The following KANSL1 variants were observed in gnomAD, a reference collection of about 807,000 sequenced individuals.
The protein encoded by KANSL1 is KAT8 regulatory NSL complex subunit 1, also known as MLL1/MLL complex subunit KANSL1.
Under a neutral mutation model 103.6 loss-of-function variants are expected in KANSL1, and 22 were observed. The ratio of observed to expected loss-of-function variants is 0.21; its 90% CI spans 0.15 to 0.30. The LOEUF (loss-of-function observed/expected upper bound fraction) is 0.30. KANSL1 is among the 10% of genes least tolerant of loss of function. The pLI is 1.00. For missense variants in KANSL1, 1,337 were observed against 1,399.8 expected (o/e 0.96, Z 0.72); for synonymous variants, 600 against 527.6 (o/e 1.14, Z -1.88).
At chr17:46,174,288 G>T (rs1052466722) in intron 1 of KANSL1, among the ~76,000 whole-genome samples, 2 of 152,156 alleles carry the variant, frequency 1.3e-5, no homozygotes, top group African/African-American at 4.8e-5. Context: ...GGGTTCAAGT[G>T]ATTCTCCTGC....
intron 1 of KANSL1, among the ~76,000 whole-genome samples, chr17:46,175,453 G>A (rs1299651944): frequency 6.6e-6 from 1 of 152,006 alleles, no homozygotes; most frequent in African/African-American, 2.4e-5. Context: ...GTGTTGGAGT[G>A]ATTCTCCTGC....
chr17:46,171,794 G>A lies in KANSL1; in HGVS notation c.350C>T (p.Ser117Phe). The A allele has an allele frequency of 3.7e-6, 6 of 1,613,666 alleles. No individual in the cohort carries two copies. Among genetic ancestry groups the A allele is most frequent in the East Asian group, 2.2e-5 (1 of 44,872 alleles). The change falls in exon 2 of 15, where the codon TCC becomes TTC. Residue 117 changes from serine to phenylalanine, a missense_variant. Transcript: ENST00000432791. ...CAACAGCTCAGCTCGGAGTTCATAG[G>A]ACTGAGATAAGAGAGGATGAGATTT... ...VLKSHPLLSQ[S>F]YELRAELLGR... is the part of the protein sequence containing the mutation.
intron 6 of KANSL1, among the ~76,000 whole-genome samples, chr17:46,058,743 ACTCTCTCT>A (rs756932556): frequency 0.027 from 1,826 of 67,750 alleles, 29 homozygotes; most frequent in African/African-American, 0.071. Flanking sequence ...ACACACACAC[ACTCTCTCT>A]CTCTCTCTCT....
intron 13 of KANSL1, 43 bp downstream of exon 13, chr17:46,033,037 C>T (rs898211360): frequency 4.1e-6 from 6 of 1,471,250 alleles, no homozygotes; most frequent in African/African-American, 1.4e-5. Flanking sequence ...TCCCTGTCCA[C>T]CCTCTCTCCA....
At chr17:46,081,419 T>C (rs781746920) in intron 4 of KANSL1, among the ~76,000 whole-genome samples, 7 of 150,782 alleles carry the variant, frequency 4.6e-5, no homozygotes, top group African/African-American at 1.5e-4. Context: ...AATGAACTTA[T>C]ATTATAGACT....
chr17:46,031,553 T>C lies in KANSL1; in HGVS notation c.3241A>G (p.Thr1081Ala). The change falls in exon 15 of 15, where the codon ACC becomes GCC. Residue 1081 changes from threonine to alanine, a missense_variant. By Grantham distance (58) the Thr-to-Ala change is moderately conservative. Coordinates refer to ENST00000432791, the MANE Select transcript of KANSL1 (RefSeq NM_015443.4). ...TTGAGGGGGACAATGGGAGGCGAGG[T>C]GGGCGCTGCCTCTGTCTCCCGGCCA... ...KTGRETEAAP[T>A]SPPIVPLKSR... The C allele has an allele frequency of 6.2e-7, 1 of 1,613,834 alleles. No homozygotes were observed. The highest frequency in any genetic ancestry group is 1.3e-5 in the African/African-American group (1 of 74,996).
intron 2 of KANSL1, among the ~76,000 whole-genome samples, chr17:46,100,565 T>A (rs2042269086): frequency 6.6e-6 from 1 of 152,246 alleles, no homozygotes; most frequent in African/African-American, 2.4e-5. Flanking sequence ...TAATTTTTGT[T>A]TTTAGTTCTT....
chr17:46,191,177 CAG>C, intron 1 of KANSL1, among the ~76,000 whole-genome samples: 1 of 152,140 alleles, frequency 6.6e-6, no homozygotes, highest in South Asian at 2.1e-4. Flanking sequence ...TATAAAGAAA[CAG>C]ATAAAGGAAT....
chr17:46,198,124 ATAAAT>A (rs1287951711), upstream of KANSL1, among the ~76,000 whole-genome samples: 1 of 152,166 alleles, frequency 6.6e-6, no homozygotes, highest in Admixed American at 6.5e-5. Context: ...AACTGACTGA[ATAAAT>A]GAAAAAGGTA....
At chr17:46,155,688 C>A (rs879879427) in intron 2 of KANSL1, among the ~76,000 whole-genome samples, 1 of 152,104 alleles carries the variant, frequency 6.6e-6, no homozygotes, top group Non-Finnish European at 1.5e-5. Flanking sequence ...GCCTAAAAAA[C>A]ATTCATTTTT....
At chr17:46,143,629 C>T (rs113300742) in intron 2 of KANSL1, among the ~76,000 whole-genome samples, 8,229 of 151,884 alleles carry the variant, frequency 0.054, 749 homozygotes, top group African/African-American at 0.19. Context: ...ACGGTGAAAC[C>T]CTGTCTCTAG....
rs71138525 is a variant in KANSL1, at chr17:46,096,311, C to CTTTTTTTTTTTTTTTTTTTTTTTT, written c.1290-1611_1290-1610insAAAAAAAAAAAAAAAAAAAAAAAA. 1.7e-3 allele frequency among the ~76,000 whole-genome samples: 127 copies of CTTTTTTTTTTTTTTTTTTTTTTTT among 76,398 alleles called. 4 individuals are homozygous for CTTTTTTTTTTTTTTTTTTTTTTTT. Among genetic ancestry groups the CTTTTTTTTTTTTTTTTTTTTTTTT allele is most frequent in the East Asian group, 5.8e-3 (12 of 2,074 alleles). 50.1% of individuals were successfully genotyped at this position (76,398 alleles called of 152,430 possible). A position where few individuals can be genotyped will look rare whatever the true frequency, so the allele number is the denominator to read the frequency against. ...CATACTACATACCTGGCTTTTTTTT[C>CTTTTTTTTTTTTTTTTTTTTTTTT]TTTTTTTTTTTTTTTTTTTTTGAGA... On this transcript the variant is annotated intron_variant, in intron 2 of 14. Transcript: ENST00000432791.
intron 1 of KANSL1, among the ~76,000 whole-genome samples, chr17:46,214,422 G>C (rs2048275870): frequency 6.6e-6 from 1 of 152,198 alleles, no homozygotes; most frequent in African/African-American, 2.4e-5. Flanking sequence ...GGGAGGCTGA[G>C]GGGGGTGGAT....
intron 6 of KANSL1, among the ~76,000 whole-genome samples, chr17:46,064,565 T>C (rs1033401860): frequency 6.6e-6 from 1 of 152,166 alleles, no homozygotes; most frequent in Non-Finnish European, 1.5e-5. Flanking sequence ...CTAAATTCAA[T>C]GGTCTCAATT....
chr17:46,049,919 C>T (rs979966600), intron 7 of KANSL1: 1 of 146,356 alleles, frequency 6.8e-6, no homozygotes, highest in South Asian at 2.2e-4. Context: ...ACAGACAAAA[C>T]TTTTTTTTTT....
chr17:46,141,618 A>G (rs1446021054), intron 2 of KANSL1, among the ~76,000 whole-genome samples: 1 of 152,254 alleles, frequency 6.6e-6, no homozygotes, highest in Non-Finnish European at 1.5e-5. Context: ...AAAAGGAATT[A>G]AAAAGAACAA....
intron 1 of KANSL1, among the ~76,000 whole-genome samples, chr17:46,209,814 C>T (rs550585373): frequency 1.3e-5 from 2 of 152,272 alleles, no homozygotes; most frequent in East Asian, 3.9e-4. Context: ...GTTTTAAAGG[C>T]ATTTAAGTAT....
chr17:46,083,127 T>G (rs2079042761), intron 3 of KANSL1, among the ~76,000 whole-genome samples: 1 of 152,126 alleles, frequency 6.6e-6, no homozygotes. Context: ...AATTCAGACC[T>G]TTGGAAATTC....
chr17:46,204,166 A>T (rs1489967401), intron 1 of KANSL1, among the ~76,000 whole-genome samples: 1 of 152,088 alleles, frequency 6.6e-6, no homozygotes, highest in African/African-American at 2.4e-5. Flanking sequence ...AAACAAACAT[A>T]AACAAAAAGG....
Sources: gnomAD v4.1 joint callset for allele counts (sites outside exome capture counted in the v4.1 genomes callset) on GRCh38, gnomAD v4.1.1 for gene constraint, MANE v1.5 for transcripts, NCBI Gene and HGNC (gene_info 2026-07-23, HGNC 2026-07-21) for gene names.